MASP2: variants seen among roughly 807,000 people sequenced by gnomAD.
MASP2 encodes mannan-binding lectin serine protease 2.
Under a neutral mutation model 57.1 loss-of-function variants are expected in MASP2, and 49 were observed. That is an observed-to-expected ratio of 0.86 (90% CI 0.68 to 1.09). MASP2 has a LOEUF of 1.09. MASP2 is among the 50% of genes least tolerant of loss of function. The pLI is 0.00. For missense variants in MASP2, 900 were observed against 874.8 expected (o/e 1.03, Z -0.36); for synonymous variants, 379 against 340.8 (o/e 1.11, Z -1.24).
Position 11,047,039 on chromosome 1 carries a change from C to A in MASP2, c.86G>T (p.Arg29Leu), listed in dbSNP as rs375887709. Reference protein sequence around the residue: ...GPKWPEPVFGRLASPGFPGEY... With the variant: ...GPKWPEPVFGLLASPGFPGEY... ...CCCTGGAAAGCCGGGGGATGCCAGGCGCCCGAACACAGGTTCAGGCCACTT... is the reference window on the plus strand; with the variant it reads ...CCCTGGAAAGCCGGGGGATGCCAGGAGCCCGAACACAGGTTCAGGCCACTT... Residue 29 changes from arginine to leucine, a missense_variant, in exon 2 of 11, where the codon CGC becomes CTC. Transcript: ENST00000400897. 1.3e-6 allele frequency: 2 copies of A among 1,551,176 alleles called. No homozygotes were observed. Among genetic ancestry groups the A allele is most frequent in the East Asian group, 2.4e-5 (1 of 40,986 alleles).
chr1:11,041,687 AAG>A (rs1638448723), intron 6 of MASP2, among the ~76,000 whole-genome samples: 1 of 2,640 alleles, frequency 3.8e-4, no homozygotes, highest in African/African-American at 1.6e-3. Context: ...GGATGGCTGG[AAG>A]TATGGGTGAG....
intron 3 of MASP2, 38 bp from the exon 4 acceptor site, chr1:11,045,577 GAA>G: frequency 1.3e-6 from 2 of 1,576,304 alleles, no homozygotes; most frequent in Non-Finnish European, 1.7e-6. Flanking sequence ...CGTCAGGAGG[GAA>G]AGAGGCGGGA....
At chr1:11,037,578 A>G (rs2100888830) in intron 7 of MASP2, 115 bp downstream of exon 7, 1 of 652,714 alleles carries the variant, frequency 1.5e-6, no homozygotes, top group Non-Finnish European at 2.5e-6. Flanking sequence ...GATAGACAAA[A>G]GAAATCATGC....
intron 10 of MASP2, 57 bp downstream of exon 10, chr1:11,030,119 C>T (rs148080314): frequency 2.6e-4 from 342 of 1,302,800 alleles, no homozygotes; most frequent in Non-Finnish European, 3.5e-4. Context: ...CTCACTGTCT[C>T]CTACCCAGTC....
Position 11,034,865 on chromosome 1 carries a change from T to C in MASP2, c.1050A>G (p.Lys350=). 6.2e-7 allele frequency: 1 copy of C among 1,613,392 alleles called. No homozygotes were observed. The highest frequency in any genetic ancestry group is 8.5e-7 in the Non-Finnish European group (1 of 1,179,744). The change falls in exon 8 of 11, where the codon AAA becomes AAG. Residue 350 remains lysine (K), a synonymous_variant. Coordinates refer to ENST00000400897, the MANE Select transcript of MASP2 (RefSeq NM_006610.4). The stretch of plus-strand genomic sequence containing the variant: ...GCATTGGCCGGTCCCAAGATCCATC[T>C]TTCTGACAAACTGCAGTAAAGGATT... ...PLKSFTAVCQ[K]DGSWDRPMPA... is the part of the protein sequence containing the mutation.
At chr1:11,046,394 G>A (rs374018109) in intron 3 of MASP2, 162 bp downstream of exon 3, 11 of 744,868 alleles carry the variant, frequency 1.5e-5, no homozygotes, top group African/African-American at 6.9e-5. Context: ...TGGAGGTCAC[G>A]GCTGTTTTGG....
At chr1:11,030,363 G>GC in intron 9 of MASP2, 113 bp from the exon 10 acceptor site, 1 of 715,286 alleles carries the variant, frequency 1.4e-6, no homozygotes, top group South Asian at 1.7e-5. Flanking sequence ...GGACATAGAG[G>GC]TGTCTGAAGA....
chr1:11,044,099 CCCAGCCAAGA>C (rs1638551005), intron 4 of MASP2, among the ~76,000 whole-genome samples: 1 of 152,172 alleles, frequency 6.6e-6, no homozygotes, highest in Non-Finnish European at 1.5e-5. Flanking sequence ...CCTACCCGAA[CCCAGCCAAGA>C]CCAGCCAGCC....
intron 8 of MASP2, among the ~76,000 whole-genome samples, chr1:11,033,965 A>ACACACACT (rs1445746544): frequency 1.9e-4 from 3 of 15,470 alleles, no homozygotes; most frequent in Non-Finnish European, 5.3e-4. Context: ...ACACACACAC[A>ACACACACT]CTCTCTCTCT....
At chr1:11,036,527 A>C (rs1458162675) in intron 7 of MASP2, among the ~76,000 whole-genome samples, 105 of 140,948 alleles carry the variant, frequency 7.4e-4, no homozygotes, top group Middle Eastern at 3.5e-3. Flanking sequence ...AAAAAAAAAA[A>C]AAAAAAAAAA....
At chr1:11,045,154 C>T (rs1281633466) in intron 4 of MASP2, 1 of 752,786 alleles carries the variant, frequency 1.3e-6, no homozygotes, top group African/African-American at 1.7e-5. Flanking sequence ...GAGGGGTTCC[C>T]AGAGCCCAGG....
At chr1:11,034,728 G>T in intron 8 of MASP2, 100 bp downstream of exon 8, 53 of 705,322 alleles carry the variant, frequency 7.5e-5, no homozygotes, top group Non-Finnish European at 1.0e-4. Context: ...AAAGAAAAAA[G>T]AAAGTAAACA....
chr1:11,034,763 A>G (rs1643875678), intron 8 of MASP2, 65 bp downstream of exon 8: 1 of 1,033,114 alleles, frequency 9.7e-7, no homozygotes, highest in Non-Finnish European at 1.4e-6. Flanking sequence ...CAATAGAAGC[A>G]GCAACAGTAG....
chr1:11,036,147 G>A lies in MASP2; in HGVS notation c.1009-1241C>T, dbSNP rs1034117207. The stretch of plus-strand genomic sequence containing the variant: ...TCTAAAATCAAACATTAAAATAAAA[G>A]AAGATGGCTTTGGCAGAAACCCTGT... On this transcript the variant is annotated intron_variant, in intron 7 of 10. Coordinates refer to ENST00000400897, the MANE Select transcript of MASP2 (RefSeq NM_006610.4). 4.7e-4 allele frequency among the ~76,000 whole-genome samples: 72 copies of A among 152,150 alleles called. 1 individual carries two copies. The highest frequency in any genetic ancestry group is 1.3e-4 in the Admixed American group (2 of 15,266).
Position 11,046,955 on chromosome 1 carries a change from A to G in MASP2, c.170T>C (p.Leu57Pro). 1 of 1,567,786 alleles carries G rather than the reference A, an allele frequency of 6.4e-7. No individual in the cohort carries two copies. Among genetic ancestry groups the G allele is most frequent in the Admixed American group, 1.9e-5 (1 of 53,090 alleles). Residue 57 changes from leucine (L) to proline (P), a missense_variant, in exon 2 of 11, where the codon CTG (leucine) becomes CCG (proline). Leu to Pro is a moderately conservative substitution (Grantham distance 98, BLOSUM62 -3). Coordinates refer to ENST00000400897, the MANE Select transcript of MASP2 (RefSeq NM_006610.4). ...GTCGAAGTGGGTGAAGTAGAGGCGC[A>G]GGCGGTAGCCGGGGGGTGCAGTCAG... is the stretch of plus-strand genomic sequence containing the variant. ...WTLTAPPGYR[L>P]RLYFTHFDLE...
chr1:11,036,629 C>CTTT lies in MASP2; in HGVS notation c.1008+1061_1008+1063dup, dbSNP rs748876362. 3.2e-4 allele frequency among the ~76,000 whole-genome samples: 35 copies of CTTT among 110,272 alleles called. 2 individuals carry two copies. The highest frequency in any genetic ancestry group is 1.1e-3 in the African/African-American group (33 of 29,948). 72.3% of individuals were successfully genotyped at this position (110,272 alleles called of 152,430 possible). ...TTTGCAAGGTGGGAAAAGTGTCTCT[C>CTTT]TTTTTTTTTTTTTTTTTTTGACCCG... is the stretch of plus-strand genomic sequence containing the variant. On this transcript the variant is annotated intron_variant, in intron 7 of 10. Coordinates refer to ENST00000400897, the MANE Select transcript of MASP2 (RefSeq NM_006610.4).
intron 9 of MASP2, 53 bp from the exon 10 acceptor site, chr1:11,030,303 T>C: frequency 7.6e-7 from 1 of 1,316,560 alleles, no homozygotes; most frequent in Non-Finnish European, 1.1e-6. Flanking sequence ...AAGATGGTTG[T>C]CATTTGCTTG....
In MASP2 at chr1:11,026,708, C is replaced by G; in HGVS notation, c.*177G>C. 2.1e-6 allele frequency: 1 copy of G among 465,278 alleles called. No homozygotes were observed. The highest frequency in any genetic ancestry group is 3.7e-6 in the Non-Finnish European group (1 of 273,886). The allele number at this position is 465,278 out of a possible 1,614,324, so 28.8% of individuals were successfully genotyped here. On this transcript the variant is annotated 3_prime_UTR_variant, in exon 11 of 11. Transcript: ENST00000400897. ...TGTCCCCTTGAGTCAATGGGTAAGG[C>G]TGGAATTAAACTGGCAAGTGGAGAA...
chr1:11,027,380 A>G lies in MASP2; in HGVS notation c.1566T>C (p.Gly522=). ...TGTCAAAGCCAGCATCATGAGTATAACCTTCATGTATAAAAACAGCTTCAG... is the reference window on the plus strand; with the variant it reads ...TGTCAAAGCCAGCATCATGAGTATAGCCTTCATGTATAAAAACAGCTTCAG... ...AWSEAVFIHE[G]YTHDAGFDND... is the part of the protein sequence containing the mutation. Residue 522 remains glycine, a synonymous_variant, in exon 11 of 11, where the codon GGT becomes GGC. Coordinates refer to ENST00000400897, the MANE Select transcript of MASP2 (RefSeq NM_006610.4). 1 of 1,614,232 alleles carries G rather than the reference A, an allele frequency of 6.2e-7. No individual in the cohort carries two copies. Among genetic ancestry groups the G allele is most frequent in the Non-Finnish European group, 8.5e-7 (1 of 1,180,046 alleles).
Sources: gnomAD v4.1 joint callset for allele counts (sites outside exome capture counted in the v4.1 genomes callset) on GRCh38, gnomAD v4.1.1 for gene constraint, MANE v1.5 for transcripts, NCBI Gene and HGNC (gene_info 2026-07-23, HGNC 2026-07-21) for gene names.